Variants in TMEM163 observed in about 807,000 individuals in gnomAD.
TMEM163 encodes transmembrane protein 163.
TMEM163 carries 17 observed loss-of-function variants against 29.3 expected under a neutral mutation model. The ratio of observed to expected loss-of-function variants is 0.58; its 90% CI spans 0.40 to 0.87. The LOEUF is 0.87. Among genes scored for constraint, TMEM163 ranks in the 40% least tolerant of loss-of-function variants. The pLI, the probability that TMEM163 is intolerant of heterozygous loss-of-function variation, is 0.00. For synonymous variants in TMEM163, 157 were observed against 160.6 expected (o/e 0.98, Z 0.17); for missense variants, 303 against 381.5 (o/e 0.79, Z 1.71).
At chr2:134,523,239 T>TG (rs1211738126) in intron 4 of TMEM163, among the ~76,000 whole-genome samples, 3 of 152,176 alleles carry the variant, frequency 2.0e-5, no homozygotes, top group Non-Finnish European at 4.4e-5. Context: ...GGAGTGGGTC[T>TG]GCAGGTGGGG....
At chr2:134,656,498 CA>C (rs1189586880) in intron 2 of TMEM163, among the ~76,000 whole-genome samples, 3 of 152,302 alleles carry the variant, frequency 2.0e-5, no homozygotes, top group East Asian at 3.9e-4. Context: ...ATGCAGAAAT[CA>C]CCCGTCTTCT....
At chr2:134,535,351 C>T (rs1423767809) in intron 4 of TMEM163, among the ~76,000 whole-genome samples, 2 of 152,184 alleles carry the variant, frequency 1.3e-5, no homozygotes, top group Non-Finnish European at 2.9e-5. Context: ...ACCCATGTAG[C>T]AACAAACACA....
intron 5 of TMEM163, among the ~76,000 whole-genome samples, chr2:134,499,914 T>C (rs1416002948): frequency 1.3e-5 from 2 of 152,264 alleles, no homozygotes; most frequent in African/African-American, 4.8e-5. Flanking sequence ...ACTCTCTATG[T>C]GCAGCCAGGA....
intron 2 of TMEM163, among the ~76,000 whole-genome samples, chr2:134,617,681 C>CAG (rs35052102): frequency 0.58 from 88,379 of 151,262 alleles, 27,613 homozygotes; most frequent in African/African-American, 0.78. Context: ...ACAGAATAAA[C>CAG]GGGAACAACA....
chr2:134,620,279 G>A (rs1196255893), intron 2 of TMEM163, among the ~76,000 whole-genome samples: 4 of 149,540 alleles, frequency 2.7e-5, no homozygotes, highest in African/African-American at 4.9e-5. Context: ...TTTTTAAGAT[G>A]GAGTTTCACT....
rs141904823 is a variant in TMEM163, at chr2:134,648,279, T to C, written c.322+64921A>G. On this transcript the variant is annotated intron_variant, in intron 2 of 7. Coordinates refer to ENST00000281924, the MANE Select transcript of TMEM163 (RefSeq NM_030923.5). ...GCTGCTTCTCTTCAATGTCCAACCA[T>C]AGTCTCTGGCATCTCACTGCTTCTC... 2.6e-4 allele frequency among the ~76,000 whole-genome samples: 28 copies of C among 107,466 alleles called. 2 individuals carry two copies. Among genetic ancestry groups the C allele is most frequent in the African/African-American group, 8.5e-4 (25 of 29,292 alleles). The allele number at this position is 107,466 out of a possible 152,430, so 70.5% of individuals were successfully genotyped here.
At chr2:134,631,226 G>A (rs1682960505) in intron 2 of TMEM163, among the ~76,000 whole-genome samples, 3 of 152,202 alleles carry the variant, frequency 2.0e-5, no homozygotes, top group Admixed American at 2.0e-4. Context: ...TTCGCAGGCA[G>A]TTGGGAAGGG....
intron 1 of TMEM163, 81 bp downstream of exon 1, chr2:134,718,653 C>T: frequency 9.6e-7 from 1 of 1,045,794 alleles, no homozygotes; most frequent in Non-Finnish European, 1.2e-6. Context: ...CGCGCCTCGC[C>T]CAGCGCGGCC....
intron 2 of TMEM163, among the ~76,000 whole-genome samples, chr2:134,682,063 C>G (rs184687093): frequency 5.3e-5 from 8 of 152,162 alleles, no homozygotes; most frequent in Admixed American, 5.2e-4. Flanking sequence ...AGTCTTTCAG[C>G]CTTTCTCAAT....
intron 2 of TMEM163, among the ~76,000 whole-genome samples, chr2:134,674,518 T>C (rs1684069854): frequency 3.2e-5 from 1 of 31,052 alleles, no homozygotes. Flanking sequence ...CGCTACCATA[T>C]CTGGCTAATT....
chr2:134,493,992 G>C lies in TMEM163; in HGVS notation c.555+8909C>G, dbSNP rs560680895. Among the ~76,000 whole-genome samples, 95 of 152,056 alleles carry C rather than the reference G, an allele frequency of 6.2e-4. No homozygotes were observed. In the South Asian group the frequency reaches 0.019, roughly 31 times the overall value. On this transcript the variant is annotated intron_variant, in intron 5 of 7. Transcript: ENST00000281924. Reference sequence around the variant, plus strand: ...ATGAGTACGTCCTTAGGAGTACAAAGAAAGTATCAAGTCCAGAAATAGACC... The same window carrying C: ...ATGAGTACGTCCTTAGGAGTACAAACAAAGTATCAAGTCCAGAAATAGACC...
At chr2:134,590,725 TC>T (rs1681917475) in intron 2 of TMEM163, among the ~76,000 whole-genome samples, 1 of 152,210 alleles carries the variant, frequency 6.6e-6, no homozygotes, top group Non-Finnish European at 1.5e-5. Context: ...TATTCATGCC[TC>T]CCTTTTTTAG....
intron 2 of TMEM163, among the ~76,000 whole-genome samples, chr2:134,586,338 C>T (rs1681823802): frequency 6.6e-6 from 1 of 152,218 alleles, no homozygotes; most frequent in Non-Finnish European, 1.5e-5. Context: ...GTTCCTTCTA[C>T]AGGCTGCAGA....
At chr2:134,562,047 AT>A (rs1292575051) in intron 2 of TMEM163, among the ~76,000 whole-genome samples, 1 of 152,182 alleles carries the variant, frequency 6.6e-6, no homozygotes, top group Admixed American at 6.5e-5. Flanking sequence ...GAACTTTCGC[AT>A]TTTATCTTCT....
chr2:134,534,356 C>A (rs1680482883), intron 4 of TMEM163, among the ~76,000 whole-genome samples: 1 of 152,150 alleles, frequency 6.6e-6, no homozygotes, highest in Non-Finnish European at 1.5e-5. Context: ...AACCAAACCA[C>A]CACCCCACCA....
At chr2:134,606,063 G>A (rs1682349376) in intron 2 of TMEM163, among the ~76,000 whole-genome samples, 1 of 152,148 alleles carries the variant, frequency 6.6e-6, no homozygotes. Context: ...TGTTTTAGAA[G>A]GGGATATACT....
At chr2:134,660,063 G>A (rs1683714170) in intron 2 of TMEM163, among the ~76,000 whole-genome samples, 1 of 152,196 alleles carries the variant, frequency 6.6e-6, no homozygotes, top group South Asian at 2.1e-4. Flanking sequence ...GCCCAGATCT[G>A]GACATGAGCG....
At chr2:134,552,009 C>A (rs187471024) in intron 3 of TMEM163, 39 bp downstream of exon 3, 28 of 1,597,816 alleles carry the variant, frequency 1.8e-5, no homozygotes, top group Non-Finnish European at 2.1e-5. Context: ...TATGAAAAAA[C>A]GTGCAAAACT....
intron 2 of TMEM163, among the ~76,000 whole-genome samples, chr2:134,594,991 A>T (rs1682036635): frequency 6.6e-6 from 1 of 152,110 alleles, no homozygotes; most frequent in Non-Finnish European, 1.5e-5. Flanking sequence ...ACAACAAAAA[A>T]AGATGGAAAA....
Sources: allele counts gnomAD v4.1 joint callset (sites outside exome capture counted in the v4.1 genomes callset), GRCh38; gene constraint gnomAD v4.1.1; transcripts MANE v1.5; gene names NCBI Gene and HGNC (gene_info 2026-07-23, HGNC 2026-07-21).